ASZ1: variants seen among roughly 807,000 people sequenced by gnomAD.
ASZ1 encodes the protein ankyrin repeat, SAM and basic leucine zipper domain containing 1.
ASZ1 carries 67 observed loss-of-function variants against 61.8 expected under a neutral mutation model. The observed-to-expected ratio is 1.08, with a 90% confidence interval of 0.89 to 1.33. The LOEUF is 1.33. ASZ1 is among the 40% of genes most tolerant of loss of function. ASZ1 has a pLI of 0.00. For missense variants in ASZ1, 577 were observed against 554.5 expected (o/e 1.04, Z -0.41); for synonymous variants, 193 against 192.7 (o/e 1.00, Z -0.01).
intron 10 of ASZ1, among the ~76,000 whole-genome samples, chr7:117,375,609 C>T (rs1220333545): frequency 6.6e-6 from 1 of 151,972 alleles, no homozygotes; most frequent in Non-Finnish European, 1.5e-5. Context: ...GCTACCGAAC[C>T]CTTGAAATCA....
At chr7:117,383,385 A>G (rs116784176) in intron 6 of ASZ1, among the ~76,000 whole-genome samples, 3,443 of 152,132 alleles carry the variant, frequency 0.023, 129 homozygotes, top group African/African-American at 0.079. Flanking sequence ...GTGCTTCCTT[A>G]ACCTACAATA....
At chr7:117,386,029 CTAGT>C (rs1796349548) in intron 4 of ASZ1, among the ~76,000 whole-genome samples, 2 of 152,266 alleles carry the variant, frequency 1.3e-5, no homozygotes, top group African/African-American at 4.8e-5. Context: ...ACAGCACCCT[CTAGT>C]GAATAAATGT....
chr7:117,420,959 C>T lies in ASZ1; in HGVS notation c.329-685G>A, dbSNP rs1411135193. 2.0e-5 allele frequency among the ~76,000 whole-genome samples: 3 copies of T among 152,182 alleles called. 1 individual carries two copies. Among genetic ancestry groups the T allele is most frequent in the African/African-American group, 7.2e-5 (3 of 41,430 alleles). ...CAGTCCTGCCACTAAGAAACTGTAA[C>T]TCTTGTGATATCTTAATAGCTCATT... On this transcript the variant is annotated intron_variant, in intron 3 of 12. Coordinates refer to ENST00000284629, the MANE Select transcript of ASZ1 (RefSeq NM_130768.3).
intron 10 of ASZ1, among the ~76,000 whole-genome samples, chr7:117,369,955 C>T (rs1188615933): frequency 6.6e-6 from 1 of 152,012 alleles, no homozygotes; most frequent in African/African-American, 2.4e-5. Context: ...CAGTAGGTCT[C>T]AAGAAAACAA....
At chr7:117,379,168 T>TACATACAC (rs1554360774) in intron 10 of ASZ1, among the ~76,000 whole-genome samples, 3 of 69,726 alleles carry the variant, frequency 4.3e-5, no homozygotes, top group African/African-American at 1.6e-4. Flanking sequence ...TATATATATA[T>TACATACAC]ACACACACAC....
At chr7:117,383,150 C>G in intron 6 of ASZ1, 40 bp from the exon 7 acceptor site, 2 of 1,471,282 alleles carry the variant, frequency 1.4e-6, no homozygotes, top group Non-Finnish European at 1.8e-6. Context: ...ATTAACATTG[C>G]ATACTGTAAC....
At chr7:117,402,141 C>G (rs1796693241) in intron 4 of ASZ1, among the ~76,000 whole-genome samples, 1 of 152,156 alleles carries the variant, frequency 6.6e-6, no homozygotes, top group African/African-American at 2.4e-5. Flanking sequence ...TTAATTAAAC[C>G]TGGCTCAGTG....
rs753884212 is a variant in ASZ1 at position 117,381,062 on chromosome 7, C to T, written c.894G>A (p.Arg298=). 4 of 1,585,542 alleles carry T rather than the reference C, an allele frequency of 2.5e-6. No individual in the cohort carries two copies. The highest frequency in any genetic ancestry group is 2.7e-5 in the African/African-American group (2 of 73,428). The change falls in exon 9 of 13, where the codon AGG becomes AGA. Residue 298 remains arginine, a synonymous_variant. Transcript: ENST00000284629. ...TCAAAAGATGTCTTAACGTTATATC[C>T]CTTTCCTGTATAAAAGGAAAAAAAG... ...LEHMTDLLKE[R]DITLRHLLTM...
chr7:117,413,355 G>A (rs1796933235), intron 4 of ASZ1, among the ~76,000 whole-genome samples: 1 of 151,980 alleles, frequency 6.6e-6, no homozygotes, highest in South Asian at 2.1e-4. Context: ...ATTTATCAGT[G>A]AGTTGTAAAG....
chr7:117,372,529 T>C (rs1796067680), intron 10 of ASZ1, among the ~76,000 whole-genome samples: 4 of 152,194 alleles, frequency 2.6e-5, no homozygotes, highest in Non-Finnish European at 5.9e-5. Context: ...TTGTTATAAG[T>C]GACTGACATT....
intron 12 of ASZ1, 39 bp from the exon 13 acceptor site, chr7:117,363,787 T>C (rs1010620468): frequency 6.3e-6 from 9 of 1,417,866 alleles, no homozygotes; most frequent in Non-Finnish European, 8.5e-6. Context: ...GGAGTTACTG[T>C]ACAATACATT....
intron 1 of ASZ1, 87 bp downstream of exon 1, chr7:117,427,269 T>G: frequency 7.3e-7 from 1 of 1,366,164 alleles, no homozygotes. Context: ...CGTGAGGGAG[T>G]AGGAGGTTTC....
At chr7:117,374,732 T>G (rs1203714547) in intron 10 of ASZ1, among the ~76,000 whole-genome samples, 1 of 152,010 alleles carries the variant, frequency 6.6e-6, no homozygotes, top group Non-Finnish European at 1.5e-5. Flanking sequence ...TAGAGGAAAC[T>G]GAGGAAATAG....
chr7:117,399,468 C>A (rs1482741276), intron 4 of ASZ1, among the ~76,000 whole-genome samples: 3 of 152,188 alleles, frequency 2.0e-5, no homozygotes, highest in Non-Finnish European at 4.4e-5. Flanking sequence ...CTGTCAAATT[C>A]TTGACACAAG....
chr7:117,417,181 A>G (rs534018635), intron 4 of ASZ1, among the ~76,000 whole-genome samples: 1 of 148,600 alleles, frequency 6.7e-6, no homozygotes, highest in African/African-American at 2.6e-5. Context: ...CTGATCCCGT[A>G]TTAGTTAAAA....
intron 11 of ASZ1, chr7:117,367,727 A>G (rs1795970361): frequency 4.2e-6 from 4 of 948,466 alleles, no homozygotes; most frequent in East Asian, 7.1e-5. Flanking sequence ...TATGATGAAC[A>G]AATCAGTTCA....
chr7:117,392,503 G>A (rs1231932717), intron 4 of ASZ1, among the ~76,000 whole-genome samples: 1 of 152,016 alleles, frequency 6.6e-6, no homozygotes, highest in Non-Finnish European at 1.5e-5. Flanking sequence ...GAACATTATA[G>A]GTATATAGAA....
At chr7:117,394,313 C>T (rs774976636) in intron 4 of ASZ1, among the ~76,000 whole-genome samples, 90 of 152,210 alleles carry the variant, frequency 5.9e-4, no homozygotes, top group Non-Finnish European at 1.0e-3. Flanking sequence ...CAAACTCTTG[C>T]GCTCAAGCAG....
At chr7:117,417,086 C>A (rs1383498170) in intron 4 of ASZ1, among the ~76,000 whole-genome samples, 1 of 152,190 alleles carries the variant, frequency 6.6e-6, no homozygotes, top group East Asian at 1.9e-4. Context: ...TGCTACTTTA[C>A]ACATGGAAAC....
Sources: gnomAD v4.1 joint callset for allele counts (sites outside exome capture counted in the v4.1 genomes callset) on GRCh38, gnomAD v4.1.1 for gene constraint, MANE v1.5 for transcripts, NCBI Gene and HGNC (gene_info 2026-07-23, HGNC 2026-07-21) for gene names.